ZNF644: variants seen among roughly 807,000 people sequenced by gnomAD.
The protein encoded by ZNF644 is zinc finger motif enhancer binding protein 2.
In ZNF644, 20 loss-of-function variants were observed where a neutral mutation model predicts 108.0. The observed-to-expected ratio is 0.19, with a 90% CI of 0.13 to 0.27. The LOEUF is 0.27. Among genes scored for constraint, ZNF644 ranks in the 10% least tolerant of loss-of-function variants. ZNF644 has a pLI of 1.00. For missense variants in ZNF644, 1,338 were observed against 1,548.9 expected (o/e 0.86, Z 2.29); for synonymous variants, 542 against 539.1 (o/e 1.01, Z -0.08).
chr1:90,987,391 A>G (rs911470631), intron 1 of ZNF644, among the ~76,000 whole-genome samples: 3 of 151,904 alleles, frequency 2.0e-5, no homozygotes, highest in South Asian at 2.1e-4. Flanking sequence ...TTATAACAGA[A>G]TATTATGAAC....
At chr1:90,920,075 TTA>T (rs1376662929) in intron 4 of ZNF644, among the ~76,000 whole-genome samples, 1 of 152,040 alleles carries the variant, frequency 6.6e-6, no homozygotes, top group Non-Finnish European at 1.5e-5. Context: ...TTTAAGTGGG[TTA>T]TGAGTGATTC....
chr1:90,943,742 G>A (rs1012450450), intron 2 of ZNF644, among the ~76,000 whole-genome samples: 17 of 152,170 alleles, frequency 1.1e-4, no homozygotes, highest in African/African-American at 1.9e-4. Context: ...CCCAGCAGGA[G>A]TCTCTACATC....
chr1:90,995,726 A>T (rs780960024), intron 1 of ZNF644, among the ~76,000 whole-genome samples: 6 of 152,262 alleles, frequency 3.9e-5, no homozygotes, highest in Non-Finnish European at 1.5e-5. Context: ...AACATCTTCT[A>T]TATCCAATGA....
chr1:91,004,949 G>A (rs1659269275), intron 1 of ZNF644, among the ~76,000 whole-genome samples: 1 of 151,924 alleles, frequency 6.6e-6, no homozygotes, highest in African/African-American at 2.4e-5. Flanking sequence ...GAGACACATA[G>A]AAAACAAAGA....
chr1:91,014,799 G>T (rs1461529146), intron 1 of ZNF644, among the ~76,000 whole-genome samples: 1 of 152,090 alleles, frequency 6.6e-6, no homozygotes, highest in African/African-American at 2.4e-5. Flanking sequence ...ACTAGGAGAT[G>T]AAACTTACAA....
At chr1:90,973,225 G>GA (rs1157168340) in intron 2 of ZNF644, 5 of 151,780 alleles carry the variant, frequency 3.3e-5, no homozygotes, top group African/African-American at 1.2e-4. Flanking sequence ...TGAGAGGGAG[G>GA]AAAAAATGGG....
chr1:91,017,578 T>C (rs1660536405), intron 1 of ZNF644, among the ~76,000 whole-genome samples: 1 of 152,202 alleles, frequency 6.6e-6, no homozygotes, highest in South Asian at 2.1e-4. Context: ...CATCTCTCAA[T>C]TGTCAAAGGA....
intron 4 of ZNF644, among the ~76,000 whole-genome samples, chr1:90,931,498 A>T (rs573717459): frequency 2.2e-4 from 33 of 152,224 alleles, no homozygotes; most frequent in African/African-American, 7.9e-4. Context: ...GTCTATTTTG[A>T]TAAAGATTGA....
intron 1 of ZNF644, among the ~76,000 whole-genome samples, chr1:90,987,401 C>A (rs1169327074): frequency 2.6e-5 from 4 of 151,332 alleles, no homozygotes; most frequent in Non-Finnish European, 5.9e-5. Flanking sequence ...ATATTATGAA[C>A]AATTATACAT....
At chr1:90,994,456 TCAGAGAAC>T (rs1657935380) in intron 1 of ZNF644, among the ~76,000 whole-genome samples, 1 of 152,098 alleles carries the variant, frequency 6.6e-6, no homozygotes, top group South Asian at 2.1e-4. Context: ...AACATGGCAG[TCAGAGAAC>T]CAGAGGGGTG....
chr1:90,978,131 C>T (rs1656190480), intron 2 of ZNF644, among the ~76,000 whole-genome samples: 1 of 152,092 alleles, frequency 6.6e-6, no homozygotes, highest in Non-Finnish European at 1.5e-5. Flanking sequence ...GCCGGTGGAT[C>T]GCCTGAGGTC....
intron 2 of ZNF644, among the ~76,000 whole-genome samples, chr1:90,967,816 G>A (rs988569192): frequency 6.6e-6 from 1 of 151,476 alleles, no homozygotes; most frequent in African/African-American, 2.4e-5. Context: ...GGGAGGTAGA[G>A]GTGGGTGGAT....
At chr1:90,917,236 C>A (rs1307470506) in intron 5 of ZNF644, among the ~76,000 whole-genome samples, 2 of 152,172 alleles carry the variant, frequency 1.3e-5, no homozygotes, top group African/African-American at 2.4e-5. Flanking sequence ...TTAACATCTA[C>A]ACATCTTAAT....
intron 4 of ZNF644, among the ~76,000 whole-genome samples, chr1:90,927,499 T>G (rs996950715): frequency 2.0e-5 from 3 of 152,150 alleles, no homozygotes; most frequent in Admixed American, 2.0e-4. Context: ...AAGAACAACA[T>G]TTTGGAGCAA....
chr1:90,979,892 A>T (rs1343598009), intron 2 of ZNF644, among the ~76,000 whole-genome samples: 1 of 152,198 alleles, frequency 6.6e-6, no homozygotes, highest in Non-Finnish European at 1.5e-5. Flanking sequence ...AATTAAGAAT[A>T]TTTTACTAGC....
chr1:90,943,935 C>T (rs1302339043), intron 2 of ZNF644, among the ~76,000 whole-genome samples: 2 of 152,138 alleles, frequency 1.3e-5, no homozygotes, highest in Non-Finnish European at 2.9e-5. Context: ...CTGAAACGAA[C>T]GACAAAAAAC....
intron 2 of ZNF644, among the ~76,000 whole-genome samples, chr1:90,979,153 A>T (rs899213474): frequency 2.0e-5 from 3 of 152,170 alleles, no homozygotes; most frequent in African/African-American, 7.2e-5. Context: ...TTTAAAATTT[A>T]AGAAGTGTGT....
intron 1 of ZNF644, among the ~76,000 whole-genome samples, chr1:91,011,291 T>G (rs1244784588): frequency 4.0e-5 from 6 of 151,146 alleles, no homozygotes; most frequent in Non-Finnish European, 8.8e-5. Context: ...CTTCTTTATA[T>G]AGAGTAAATA....
chr1:90,940,978 T>C lies in ZNF644; in HGVS notation c.376A>G (p.Thr126Ala), dbSNP rs763228737. The change falls in exon 3 of 6, where the codon ACT becomes GCT. Residue 126 changes from threonine to alanine, a missense_variant. By Grantham distance (58) the Thr-to-Ala change is moderately conservative (BLOSUM62 0). Coordinates refer to ENST00000337393, the MANE Select transcript of ZNF644 (RefSeq NM_201269.3). ...VNGPVSHSSL[T>A]KTSNMNKGSV... ...CCTTTATTCATATTGGAAGTCTTAG[T>C]TAAGGAGGAGTGTGAAACTGGTCCA... The C allele has an allele frequency of 3.1e-6, 5 of 1,613,982 alleles. No individual in the cohort carries two copies. In the Admixed American group the frequency reaches 8.3e-5, roughly 27 times the overall value.
Sources: gnomAD v4.1 joint callset for allele counts (sites outside exome capture counted in the v4.1 genomes callset) on GRCh38, gnomAD v4.1.1 for gene constraint, MANE v1.5 for transcripts, NCBI Gene and HGNC (gene_info 2026-07-23, HGNC 2026-07-21) for gene names.